MAML2: variants seen among roughly 807,000 people sequenced by gnomAD.
The protein encoded by MAML2 is mastermind-like protein 2.
Under a neutral mutation model 96.1 loss-of-function variants are expected in MAML2, and 22 were observed. The ratio of observed to expected loss-of-function variants is 0.23; its 90% CI spans 0.16 to 0.33. The LOEUF is 0.33. Ranked by LOEUF, MAML2 falls within the 10% of genes least tolerant of loss-of-function variation. The probability of loss-of-function intolerance (pLI) is 1.00; values close to 1 mark genes in which losing one functional copy is unlikely to be tolerated. For synonymous variants in MAML2, 561 were observed against 521.3 expected (o/e 1.08, Z -1.04); for missense variants, 1,367 against 1,392.4 (o/e 0.98, Z 0.29).
At chr11:96,259,000 T>G (rs1435903897) in intron 1 of MAML2, among the ~76,000 whole-genome samples, 1 of 152,206 alleles carries the variant, frequency 6.6e-6, no homozygotes, top group African/African-American at 2.4e-5. Context: ...TGAGATTTTT[T>G]ACGAAAACAC....
chr11:96,108,859 C>T (rs1016450476), intron 1 of MAML2, among the ~76,000 whole-genome samples: 2 of 151,918 alleles, frequency 1.3e-5, no homozygotes, highest in African/African-American at 4.8e-5. Context: ...ACGGCAAAAC[C>T]CAGATTCTAC....
chr11:96,217,678 C>T (rs1862070957), intron 1 of MAML2, among the ~76,000 whole-genome samples: 1 of 152,208 alleles, frequency 6.6e-6, no homozygotes, highest in South Asian at 2.1e-4. Context: ...TCTAGTTGAT[C>T]ATATACCTGA....
In MAML2 at chr11:96,312,219, C is replaced by CAAAAAAAAAAAAA. The variant is rs34658278; in HGVS notation, c.513+29151_513+29163dup. Among the ~76,000 whole-genome samples, 192 of 51,548 alleles carry CAAAAAAAAAAAAA rather than the reference C, an allele frequency of 3.7e-3. 9 individuals are homozygous for CAAAAAAAAAAAAA. The highest frequency in any genetic ancestry group is 7.1e-3 in the East Asian group (10 of 1,414). The allele number at this position is 51,548 out of a possible 152,430, so 33.8% of individuals were successfully genotyped here. A position where few individuals can be genotyped will look rare whatever the true frequency, so the allele number is the denominator to read the frequency against. ...TGGGCGACAGAGCAAGACTCTATCT[C>CAAAAAAAAAAAAA]AAAAAAAAAAAAAAAAAAAAAAAAA... is the stretch of plus-strand genomic sequence containing the variant. On this transcript the variant is annotated intron_variant, in intron 1 of 4. Transcript: ENST00000524717.
rs141898052 is a variant in MAML2, at chr11:96,281,843, G to A, written c.513+59540C>T. ...TCTGATTGTGCCACTGTACTCCAGC[G>A]TGGGTGGCAGAGCAAGACCTGTCTC... On this transcript the variant is annotated intron_variant, in intron 1 of 4. Transcript: ENST00000524717. Among the ~76,000 whole-genome samples, 148 of 152,124 alleles carry A rather than the reference G, an allele frequency of 9.7e-4. 1 individual carries two copies. Among genetic ancestry groups the A allele is most frequent in the East Asian group, 3.5e-3 (18 of 5,176 alleles).
rs370533160 is a variant in MAML2, at chr11:96,092,494, A to G, written c.1537T>C (p.Tyr513His). 3 of 1,603,002 alleles carry G rather than the reference A, an allele frequency of 1.9e-6. No individual in the cohort carries two copies. The highest frequency in any genetic ancestry group is 2.6e-6 in the Non-Finnish European group (3 of 1,173,568). Residue 513 changes from tyrosine to histidine, a missense_variant, in exon 2 of 5, where the codon TAC becomes CAC. Physicochemically the swap from Tyr to His is moderately conservative, Grantham distance 83. Coordinates refer to ENST00000524717, the MANE Select transcript of MAML2 (RefSeq NM_032427.4). The surrounding 1 kb of genome is among the most constrained non-coding windows in gnomAD (Gnocchi z 4.1). ...GCTGAGGGGCCGGCCTTGTACATGT[A>G]GTTAGCCATTACTTTCGACTGGCCG... ...GSGQSKVMAN[Y>H]MYKAGPSAQG...
chr11:95,991,576 G>C lies in MAML2; in HGVS notation c.2287C>G (p.Gln763Glu). The change falls in exon 3 of 5, where the codon CAG becomes GAG. Residue 763 changes from glutamine to glutamate, a missense_variant. By Grantham distance (29) the Gln-to-Glu change is conservative (BLOSUM62 2). Coordinates refer to ENST00000524717, the MANE Select transcript of MAML2 (RefSeq NM_032427.4). ...LMGKKQTLQR[Q>E]IMEQKQQLLL... ...AGTTGCTGTTTCTGCTCCATGATCT[G>C]CCTCTGTAGAGTCTGCTTCTTTCCC... The C allele has an allele frequency of 6.2e-7, 1 of 1,613,762 alleles. No homozygotes were observed. The highest frequency in any genetic ancestry group is 8.5e-7 in the Non-Finnish European group (1 of 1,179,744).
At position 96,141,850 on chromosome 11, in the gene MAML2, C is replaced by T. The variant is rs371007007; in HGVS notation, c.514-48333G>A. 5.1e-4 allele frequency among the ~76,000 whole-genome samples: 78 copies of T among 152,340 alleles called. 3 individuals are homozygous for T. The South Asian group carries it at 0.015, about 30-fold the overall frequency. On this transcript the variant is annotated intron_variant, in intron 1 of 4. Coordinates refer to ENST00000524717, the MANE Select transcript of MAML2 (RefSeq NM_032427.4). ...ATGGGCACTGGCAGCAGAGCTGGCACTGTGGCCAACATTACCAACAGGGCT... is the reference window on the plus strand; with the variant it reads ...ATGGGCACTGGCAGCAGAGCTGGCATTGTGGCCAACATTACCAACAGGGCT...
intron 1 of MAML2, among the ~76,000 whole-genome samples, chr11:96,294,619 A>G (rs1028168406): frequency 1.3e-5 from 2 of 152,222 alleles, no homozygotes; most frequent in African/African-American, 2.4e-5. Context: ...AATATTTCAC[A>G]TGTAACGAAT....
At chr11:96,133,378 A>G (rs1860576171) in intron 1 of MAML2, among the ~76,000 whole-genome samples, 1 of 151,944 alleles carries the variant, frequency 6.6e-6, no homozygotes, top group Admixed American at 6.6e-5. Context: ...CATTATTATC[A>G]TTTTCTTATC....
intron 1 of MAML2, among the ~76,000 whole-genome samples, chr11:96,318,660 A>G (rs549385351): frequency 1.1e-4 from 16 of 152,354 alleles, no homozygotes; most frequent in African/African-American, 3.6e-4. Context: ...GAGATTTGCT[A>G]TATGAAAAGC....
intron 1 of MAML2, among the ~76,000 whole-genome samples, chr11:96,128,334 C>T (rs1195934641): frequency 6.6e-6 from 1 of 152,010 alleles, no homozygotes; most frequent in East Asian, 1.9e-4. Flanking sequence ...GCGGAGGTTG[C>T]AGTGAGCCAA....
chr11:96,172,903 C>A (rs1320839331), intron 1 of MAML2, among the ~76,000 whole-genome samples: 2 of 152,186 alleles, frequency 1.3e-5, no homozygotes, highest in Admixed American at 6.5e-5. Flanking sequence ...TGTTTTCCAG[C>A]CTCTCGATAT....
rs750349471 is a variant in MAML2, at chr11:96,208,837, T to C, written c.514-115320A>G. Among the ~76,000 whole-genome samples the C allele has an allele frequency of 1.8e-4, 28 of 152,212 alleles. No homozygotes were observed. The East Asian group carries it at 5.0e-3, about 27-fold the overall frequency. On this transcript the variant is annotated intron_variant, in intron 1 of 4. Coordinates refer to ENST00000524717, the MANE Select transcript of MAML2 (RefSeq NM_032427.4). The stretch of plus-strand genomic sequence containing the variant: ...AAAAAAAAATCATACAGGATATGAA[T>C]GGAAAAATCTTCAGTGAAATAGACA...
At chr11:96,260,193 G>A in intron 1 of MAML2, among the ~76,000 whole-genome samples, 1 of 151,966 alleles carries the variant, frequency 6.6e-6, no homozygotes, top group Non-Finnish European at 1.5e-5. Flanking sequence ...GTTGGGGGAT[G>A]GGGTGGGGGG....
chr11:96,025,679 A>G (rs1000205781), intron 2 of MAML2, among the ~76,000 whole-genome samples: 3 of 152,058 alleles, frequency 2.0e-5, no homozygotes, highest in Admixed American at 6.6e-5. Context: ...TCAGCTTCCC[A>G]CGTAGCTGGG....
chr11:96,334,892 T>C (rs1043310921), intron 1 of MAML2, among the ~76,000 whole-genome samples: 1 of 152,222 alleles, frequency 6.6e-6, no homozygotes, highest in African/African-American at 2.4e-5. Flanking sequence ...AGCTCTCTAG[T>C]TGTCCTCAAC....
intron 1 of MAML2, among the ~76,000 whole-genome samples, chr11:96,116,683 C>T (rs1860248360): frequency 6.6e-6 from 1 of 152,202 alleles, no homozygotes; most frequent in Admixed American, 6.5e-5. Context: ...AGTGCTTCTA[C>T]TAAACAAGTG....
At chr11:96,266,387 G>A (rs182816692) in intron 1 of MAML2, among the ~76,000 whole-genome samples, 23 of 152,086 alleles carry the variant, frequency 1.5e-4, no homozygotes, top group Admixed American at 2.0e-4. Flanking sequence ...TGGCTAACAC[G>A]GTAAAACCCC....
intron 1 of MAML2, among the ~76,000 whole-genome samples, chr11:96,140,527 C>G (rs572570289): frequency 6.6e-6 from 1 of 152,294 alleles, no homozygotes; most frequent in Admixed American, 6.5e-5. Flanking sequence ...TTTGAGCAAA[C>G]CATAAGAAGC....
Sources: gnomAD v4.1 joint callset for allele counts (sites outside exome capture counted in the v4.1 genomes callset) on GRCh38, gnomAD v4.1.1 for gene constraint, Gnocchi (gnomAD v3.1) non-coding constraint, MANE v1.5 for transcripts, NCBI Gene and HGNC (gene_info 2026-07-23, HGNC 2026-07-21) for gene names.